IGDCC3: variants seen among roughly 807,000 people sequenced by gnomAD.
The protein encoded by IGDCC3 is immunoglobulin superfamily DCC subclass member 3.
A neutral mutation model predicts 72.0 loss-of-function variants in IGDCC3; 47 were observed. The observed-to-expected ratio is 0.65, with a 90% confidence interval of 0.52 to 0.83. The LOEUF is 0.83. IGDCC3 is among the 40% of genes least tolerant of loss of function. IGDCC3 has a pLI of 0.00. For synonymous variants in IGDCC3, 477 were observed against 472.8 expected (o/e 1.01, Z -0.11); for missense variants, 1,038 against 1,091.3 (o/e 0.95, Z 0.69).
At chr15:65,357,495 C>T (rs78283266) in intron 2 of IGDCC3, among the ~76,000 whole-genome samples, 15,491 of 152,168 alleles carry the variant, frequency 0.1, 1,086 homozygotes, top group Non-Finnish European at 0.16. Context: ...CATAGCCAAA[C>T]CCTTGCATAG....
rs1339092904 is a variant in IGDCC3 at position 65,329,757 on chromosome 15, C to T, written c.1966G>A (p.Val656Ile). 1.2e-6 allele frequency: 2 copies of T among 1,614,028 alleles called. No homozygotes were observed. Among genetic ancestry groups the T allele is most frequent in the East Asian group, 2.2e-5 (1 of 44,894 alleles). Residue 656 changes from valine to isoleucine, a missense_variant, in exon 12 of 14, where the codon GTC (valine) becomes ATC (isoleucine). Physicochemically the swap from Val to Ile is conservative, Grantham distance 29 (BLOSUM62 3). Coordinates refer to ENST00000327987, the MANE Select transcript of IGDCC3 (RefSeq NM_004884.4). This position sits in a 1 kb window ranked among gnomAD's most constrained non-coding sequence, Gnocchi z 4.1. ...HIGVTCIIFC[V>I]LFLLFGQRGR... ...CTTTGGCCGAACAGGAGGAAGAGGA[C>T]ACAGAAGATGATGCAAGTGACCCCG...
chr15:65,374,991 C>T, intron 2 of IGDCC3, 106 bp downstream of exon 2: 2 of 987,240 alleles, frequency 2.0e-6, no homozygotes, highest in Admixed American at 4.5e-5. Context: ...ATTAGTCCTC[C>T]AGAAGGCTGC....
At chr15:65,363,022 G>A (rs1359968849) in intron 2 of IGDCC3, among the ~76,000 whole-genome samples, 1 of 151,794 alleles carries the variant, frequency 6.6e-6, no homozygotes, top group Non-Finnish European at 1.5e-5. Flanking sequence ...ACCACACCCG[G>A]CTAATTTTTG....
intron 2 of IGDCC3, among the ~76,000 whole-genome samples, chr15:65,346,451 C>T (rs748955272): frequency 1.4e-5 from 2 of 143,546 alleles, no homozygotes; most frequent in Non-Finnish European, 1.5e-5. Context: ...AGGGTGGCCA[C>T]GAGACTCAGC....
At chr15:65,376,168 A>G (rs1349136394) in intron 1 of IGDCC3, among the ~76,000 whole-genome samples, 3 of 152,152 alleles carry the variant, frequency 2.0e-5, no homozygotes, top group Non-Finnish European at 4.4e-5. Context: ...AGAGTAGCAA[A>G]CACCAACTAT....
intron 2 of IGDCC3, among the ~76,000 whole-genome samples, chr15:65,358,038 C>CA (rs2091236616): frequency 6.6e-6 from 1 of 152,102 alleles, no homozygotes; most frequent in South Asian, 2.1e-4. Context: ...TTAAAGCCCC[C>CA]ATTTCTAGAG....
intron 2 of IGDCC3, among the ~76,000 whole-genome samples, chr15:65,363,151 C>T (rs796124248): frequency 8.5e-5 from 13 of 152,264 alleles, no homozygotes; most frequent in African/African-American, 2.9e-4. Flanking sequence ...TGAGCCACCA[C>T]CCCCAGCTGG....
rs576880181 is a variant in IGDCC3 at position 65,369,850 on chromosome 15, G to A, written c.409+5247C>T. ...TACTCCCCAGCAGCTCCTGCCCGCAGTTCTCCTAACCCCCACTCCAACCTG... is the reference window on the plus strand; with the variant it reads ...TACTCCCCAGCAGCTCCTGCCCGCAATTCTCCTAACCCCCACTCCAACCTG... On this transcript the variant is annotated intron_variant, in intron 2 of 13. Transcript: ENST00000327987. 1.4e-4 allele frequency among the ~76,000 whole-genome samples: 21 copies of A among 152,192 alleles called. No individual in the cohort carries two copies. The East Asian group carries it at 4.1e-3, about 29-fold the overall frequency.
chr15:65,328,764 G>T lies in IGDCC3; in HGVS notation c.*145C>A. ...GGGGGTCCCTGTCAAGGCTGCCTTGGGTTTTGACAACCCAAGAGGCAGTCA... is the reference window on the plus strand; with the variant it reads ...GGGGGTCCCTGTCAAGGCTGCCTTGTGTTTTGACAACCCAAGAGGCAGTCA... On this transcript the variant is annotated 3_prime_UTR_variant, in exon 14 of 14. Transcript: ENST00000327987. The T allele has an allele frequency of 9.4e-7, 1 of 1,066,666 alleles. No homozygotes were observed. The highest frequency in any genetic ancestry group is 1.3e-6 in the Non-Finnish European group (1 of 785,832). 66.1% of individuals were successfully genotyped at this position (1,066,666 alleles called of 1,614,324 possible).
At chr15:65,340,167 G>A (rs2091066988) in intron 2 of IGDCC3, among the ~76,000 whole-genome samples, 1 of 152,150 alleles carries the variant, frequency 6.6e-6, no homozygotes, top group Non-Finnish European at 1.5e-5. Context: ...AATCACCCAA[G>A]GGGAGGGGCC....
At chr15:65,356,952 C>T (rs533836241) in intron 2 of IGDCC3, among the ~76,000 whole-genome samples, 22 of 148,918 alleles carry the variant, frequency 1.5e-4, no homozygotes, top group African/African-American at 5.0e-4. Context: ...TGGATTCAAG[C>T]GATTCCCTTG....
At position 65,375,033 on chromosome 15, in the gene IGDCC3, C is replaced by T. The variant is rs114680865; in HGVS notation, c.409+64G>A. 274 of 1,472,152 alleles carry T rather than the reference C, an allele frequency of 1.9e-4. No individual in the cohort carries two copies. In the African/African-American group the frequency reaches 3.5e-3, roughly 19 times the overall value. 91.2% of individuals were successfully genotyped at this position (1,472,152 alleles called of 1,614,324 possible). A position where few individuals can be genotyped will look rare whatever the true frequency, so the allele number is the denominator to read the frequency against. On this transcript the variant is annotated intron_variant, in intron 2 of 13. Transcript: ENST00000327987. ...TGGGACTGCTCCCGCTGCCCTCATG[C>T]CCTAGGCTGACCCTGGATCACCAGC...
chr15:65,377,893 G>C lies in IGDCC3; in HGVS notation c.-105C>G. On this transcript the variant is annotated 5_prime_UTR_variant, in exon 1 of 14. Transcript: ENST00000327987. The surrounding 1 kb of genome is among the most constrained non-coding windows in gnomAD (Gnocchi z 4.9). ...CGGGGCCGGGGCTGGGGCTCCGGCC[G>C]GGGCCGAGCCCAGGCGGTGGGGGAC... The C allele has an allele frequency of 3.0e-6, 3 of 997,662 alleles. No homozygotes were observed. Among genetic ancestry groups the C allele is most frequent in the South Asian group, 4.6e-5 (1 of 21,704 alleles). The allele number at this position is 997,662 out of a possible 1,614,324, so 61.8% of individuals were successfully genotyped here.
intron 6 of IGDCC3, among the ~76,000 whole-genome samples, chr15:65,332,311 C>T (rs1224508572): frequency 6.6e-6 from 1 of 151,992 alleles, no homozygotes; most frequent in African/African-American, 2.4e-5. Flanking sequence ...CTCTTCCCTC[C>T]TCCCCAGGCA....
chr15:65,370,602 G>GTGTATATATATATGTA (rs2091318323), intron 2 of IGDCC3, among the ~76,000 whole-genome samples: 4 of 97,676 alleles, frequency 4.1e-5, no homozygotes, highest in Non-Finnish European at 8.0e-5. Flanking sequence ...ATATATGTAT[G>GTGTATATATATATGTA]TGTATATATA....
rs1469031052 is a variant in IGDCC3, at chr15:65,373,334, G to A, written c.409+1763C>T. On this transcript the variant is annotated intron_variant, in intron 2 of 13. Transcript: ENST00000327987. ...TTCCTCACACCCAGCCATCTGCTCA[G>A]AGGCTGCACCAGCCTTCCCCTGCAC... Among the ~76,000 whole-genome samples, 3 of 152,292 alleles carry A rather than the reference G, an allele frequency of 2.0e-5. No individual in the cohort carries two copies. In the South Asian group the frequency reaches 6.2e-4, roughly 32 times the overall value.
At position 65,363,494 on chromosome 15, in the gene IGDCC3, C is replaced by T. The variant is rs115700960; in HGVS notation, c.409+11603G>A. On this transcript the variant is annotated intron_variant, in intron 2 of 13. Coordinates refer to ENST00000327987, the MANE Select transcript of IGDCC3 (RefSeq NM_004884.4). ...TGTCACTCCAGAGACCCAATGCTTG[C>T]CCAGCCCCAGAGTCGGCCCCGTGGG... Among the ~76,000 whole-genome samples, 1,518 of 152,316 alleles carry T rather than the reference C, an allele frequency of 1.0e-2. 28 individuals carry two copies. The highest frequency in any genetic ancestry group is 0.034 in the African/African-American group (1,420 of 41,568).
intron 2 of IGDCC3, among the ~76,000 whole-genome samples, chr15:65,371,893 C>CCA (rs2091327706): frequency 6.6e-6 from 1 of 152,180 alleles, no homozygotes; most frequent in Admixed American, 6.5e-5. Flanking sequence ...CAGCTTCAGT[C>CCA]CACACCCTGA....
chr15:65,330,143 C>T, intron 11 of IGDCC3, 150 bp downstream of exon 11: 1 of 706,706 alleles, frequency 1.4e-6, no homozygotes, highest in Non-Finnish European at 2.4e-6. Context: ...GGTTAAGTAA[C>T]TTGACCAAGG....
Sources: allele counts gnomAD v4.1 joint callset (sites outside exome capture counted in the v4.1 genomes callset), GRCh38; gene constraint gnomAD v4.1.1; non-coding constraint Gnocchi (gnomAD v3.1); transcripts MANE v1.5; gene names NCBI Gene and HGNC (gene_info 2026-07-23, HGNC 2026-07-21).